Variants in WASHC2A observed in about 807,000 individuals in gnomAD.
WASHC2A encodes the protein WASH complex subunit FAM21A.
A neutral mutation model predicts 140.3 loss-of-function variants in WASHC2A; 82 were observed. The observed-to-expected ratio is 0.58, with a 90% CI of 0.49 to 0.70. The LOEUF is 0.70. Among genes scored for constraint, WASHC2A ranks in the 30% least tolerant of loss-of-function variants. The probability of loss-of-function intolerance (pLI) is 0.00; values close to 1 mark genes in which losing one functional copy is unlikely to be tolerated. For synonymous variants in WASHC2A, 340 were observed against 560.8 expected (o/e 0.61, Z 5.56); for missense variants, 985 against 1,521.8 (o/e 0.65, Z 5.87).
At chr10:50,115,474 A>G (rs1305457745) in intron 21 of WASHC2A, among the ~76,000 whole-genome samples, 2 of 127,750 alleles carry the variant, frequency 1.6e-5, no homozygotes, top group Non-Finnish European at 3.4e-5. Flanking sequence ...CAGTGAAGCA[A>G]CGGTGACTTT....
chr10:50,100,216 T>A, intron 17 of WASHC2A, 152 bp downstream of exon 17: 1 of 1,436,214 alleles, frequency 7.0e-7, no homozygotes, highest in African/African-American at 1.4e-5. Flanking sequence ...GGAGTAGTGG[T>A]TCATGCCTGT....
chr10:50,102,036 GGC>G (rs1841247264), intron 17 of WASHC2A, among the ~76,000 whole-genome samples: 1 of 152,190 alleles, frequency 6.6e-6, no homozygotes, highest in Non-Finnish European at 1.5e-5. Flanking sequence ...TTCATTTGTT[GGC>G]CAAGATGGTC....
rs1843524696 is a variant in WASHC2A, at chr10:50,127,344, T to C, written c.2874+122T>C. On this transcript the variant is annotated intron_variant, in intron 27 of 30. Coordinates refer to ENST00000282633, the MANE Select transcript of WASHC2A (RefSeq NM_001005751.3). ...ATCTCTTCCCCCGCCTCCCCTCCCC[T>C]GCACCTAGTTGTTGTCTCCTGTGTG... 6.4e-6 allele frequency: 10 copies of C among 1,574,388 alleles called. No individual in the cohort carries two copies. The South Asian group carries it at 1.1e-4, about 18-fold the overall frequency.
At chr10:50,098,956 T>C (rs1471173673) in intron 16 of WASHC2A, among the ~76,000 whole-genome samples, 5 of 151,114 alleles carry the variant, frequency 3.3e-5, no homozygotes, top group Non-Finnish European at 7.4e-5. Flanking sequence ...CACTGCTTCA[T>C]TGGAAAGGTA....
chr10:50,103,638 T>C (rs1383266020), intron 17 of WASHC2A, among the ~76,000 whole-genome samples: 3 of 152,160 alleles, frequency 2.0e-5, no homozygotes, highest in Non-Finnish European at 4.4e-5. Flanking sequence ...CTCCATTAAT[T>C]TGGGAATCTA....
intron 19 of WASHC2A, 107 bp from the exon 20 acceptor site, chr10:50,109,994 T>C (rs1193681582): frequency 1.7e-6 from 2 of 1,163,122 alleles, no homozygotes; most frequent in East Asian, 2.5e-5. Context: ...ATGGTCTTGA[T>C]CTGCTGATCT....
intron 3 of WASHC2A, among the ~76,000 whole-genome samples, chr10:50,075,037 C>A (rs1268594020): frequency 2.0e-5 from 3 of 151,454 alleles, no homozygotes; most frequent in African/African-American, 7.3e-5. Context: ...TAACTTTAAC[C>A]TTTTCTAGAT....
chr10:50,125,943 C>T (rs1843389735), intron 25 of WASHC2A, 114 bp from the exon 26 acceptor site: 3 of 1,315,464 alleles, frequency 2.3e-6, no homozygotes, highest in Admixed American at 4.7e-5. Flanking sequence ...GTTCAGCCCT[C>T]ATTTGAGAAA....
At chr10:50,090,515 A>AAAAAATATATATATATATATATAT (rs1214596899) in intron 8 of WASHC2A, among the ~76,000 whole-genome samples, 97 of 108,666 alleles carry the variant, frequency 8.9e-4, no homozygotes, top group African/African-American at 3.1e-3. Flanking sequence ...AAAAAAAAAA[A>AAAAAATATATATATATATATATAT]ATATATATAT....
chr10:50,078,477 T>C (rs1280592980), intron 3 of WASHC2A, among the ~76,000 whole-genome samples, 198 bp from the exon 4 acceptor site: 2 of 152,196 alleles, frequency 1.3e-5, no homozygotes, highest in African/African-American at 4.8e-5. Context: ...TTCTTTTTTT[T>C]TTTGGTGAAT....
Position 50,095,168 on chromosome 10 carries a change from G to C in WASHC2A, c.1201G>C (p.Gly401Arg), listed in dbSNP as rs1554884288. ...TCTAGAGTCTTCATCATCCAAACCT[G>C]GAAAGAAAATCCCAGCAGGAGCTGT... ...VKEESSSSKP[G>R]KKIPAGAVSV... Residue 401 changes from glycine (G) to arginine (R), a missense_variant, in exon 14 of 31, where the codon GGA (glycine) becomes CGA (arginine). Gly to Arg is a moderately radical substitution (Grantham distance 125, BLOSUM62 -2). Coordinates refer to ENST00000282633, the MANE Select transcript of WASHC2A (RefSeq NM_001005751.3). 2 of 1,590,142 alleles carry C rather than the reference G, an allele frequency of 1.3e-6. No individual in the cohort carries two copies. The highest frequency in any genetic ancestry group is 2.7e-5 in the African/African-American group (2 of 74,300).
chr10:50,098,131 A>T (rs1438277799), intron 16 of WASHC2A, among the ~76,000 whole-genome samples: 16 of 152,124 alleles, frequency 1.1e-4, no homozygotes, highest in Admixed American at 2.0e-4. Context: ...TATTTCATTA[A>T]GCCTCTCTTG....
In WASHC2A at chr10:50,104,191, G is replaced by A. The variant is rs1405183439; in HGVS notation, c.1737+48G>A. ...TAGATAATTTAGATTAGGAGAAAAC[G>A]GTTGTTGATGCAACTTTCTACCCAG... On this transcript the variant is annotated intron_variant, in intron 18 of 30. Transcript: ENST00000282633. 8.9e-6 allele frequency: 14 copies of A among 1,565,114 alleles called. No individual in the cohort carries two copies. In the African/African-American group the frequency reaches 1.8e-4, roughly 20 times the overall value.
At chr10:50,110,580 G>A (rs1416190612) in intron 20 of WASHC2A, among the ~76,000 whole-genome samples, 2 of 151,802 alleles carry the variant, frequency 1.3e-5, no homozygotes, top group East Asian at 1.9e-4. Flanking sequence ...AGTATGTCAG[G>A]TTTGGTCAGG....
At position 50,129,682 on chromosome 10, in the gene WASHC2A, A is replaced by G. The variant is rs1299170387; in HGVS notation, c.3351A>G (p.Ala1117=). ...PVPGVDRSPF[A]KSLGHSRGEA... is the part of the protein sequence containing the mutation. ...CTGGAGTGGACAGAAGCCCCTTTGCAAAGTCTCTGGGTCATTCCAGAGGGG... is the reference window on the plus strand; with the variant it reads ...CTGGAGTGGACAGAAGCCCCTTTGCGAAGTCTCTGGGTCATTCCAGAGGGG... Residue 1117 remains alanine, a synonymous_variant, in exon 29 of 31, where the codon GCA becomes GCG. Transcript: ENST00000282633. 1.2e-6 allele frequency: 2 copies of G among 1,612,062 alleles called. No individual in the cohort carries two copies. Among genetic ancestry groups the G allele is most frequent in the South Asian group, 1.1e-5 (1 of 90,992 alleles).
At chr10:50,102,286 CT>C (rs1337596647) in intron 17 of WASHC2A, among the ~76,000 whole-genome samples, 1 of 152,164 alleles carries the variant, frequency 6.6e-6, no homozygotes, top group Admixed American at 6.5e-5. Context: ...GTCCTGACTC[CT>C]TTCTCTATAT....
chr10:50,108,913 G>C (rs1483002716), intron 19 of WASHC2A, among the ~76,000 whole-genome samples: 1 of 130,102 alleles, frequency 7.7e-6, no homozygotes, highest in African/African-American at 2.8e-5. Flanking sequence ...AAAAAAAAAA[G>C]AAGACCTGAC....
At chr10:50,101,736 C>G (rs1270493460) in intron 17 of WASHC2A, among the ~76,000 whole-genome samples, 3 of 151,972 alleles carry the variant, frequency 2.0e-5, no homozygotes, top group Non-Finnish European at 4.4e-5. Flanking sequence ...GTTTTGTTGT[C>G]TCACAGTTCG....
At chr10:50,069,148 C>T (rs1419143112) in intron 2 of WASHC2A, among the ~76,000 whole-genome samples, 2 of 152,012 alleles carry the variant, frequency 1.3e-5, no homozygotes, top group South Asian at 2.1e-4. Flanking sequence ...GCATTCCAGC[C>T]GGGCACAGTG....
Sources: allele counts gnomAD v4.1 joint callset (sites outside exome capture counted in the v4.1 genomes callset), GRCh38; gene constraint gnomAD v4.1.1; transcripts MANE v1.5; gene names NCBI Gene and HGNC (gene_info 2026-07-23, HGNC 2026-07-21).